The following PLCH1 variants were observed in gnomAD, a reference collection of about 807,000 sequenced individuals.
PLCH1 encodes 1-phosphatidylinositol 4,5-bisphosphate phosphodiesterase eta-1.
PLCH1 carries 60 observed loss-of-function variants against 126.7 expected under a neutral mutation model. The ratio of observed to expected loss-of-function variants is 0.47; its 90% CI spans 0.38 to 0.59. PLCH1 has a LOEUF of 0.59. PLCH1 is among the 20% of genes least tolerant of loss of function. PLCH1 has a pLI of 0.00. For synonymous variants in PLCH1, 719 were observed against 734.9 expected (o/e 0.98, Z 0.35); for missense variants, 1,723 against 2,040.0 (o/e 0.84, Z 2.99).
Position 155,528,141 on chromosome 3 carries a change from T to C in PLCH1, c.1363-4137A>G, listed in dbSNP as rs1722208777. The stretch of plus-strand genomic sequence containing the variant: ...CAGGAGGCTGAGGCAGGAGAATTGC[T>C]TGAACCCAGGAGGCGGAGGTTGCAG... On this transcript the variant is annotated intron_variant, in intron 10 of 22. Coordinates refer to ENST00000460012, the MANE Select transcript of PLCH1 (RefSeq NM_014996.4). Among the ~76,000 whole-genome samples, 3 of 151,610 alleles carry C rather than the reference T, an allele frequency of 2.0e-5. No individual in the cohort carries two copies. The South Asian group carries it at 6.3e-4, about 32-fold the overall frequency.
intron 2 of PLCH1, among the ~76,000 whole-genome samples, chr3:155,648,979 G>A (rs535207318): frequency 9.0e-4 from 137 of 152,190 alleles, no homozygotes; most frequent in Non-Finnish European, 1.7e-3. Context: ...CCATGTTAGC[G>A]ATCTTGGTTT....
intron 10 of PLCH1, among the ~76,000 whole-genome samples, chr3:155,529,630 A>T (rs1722396998): frequency 1.3e-5 from 2 of 152,238 alleles, no homozygotes; most frequent in African/African-American, 4.8e-5. Flanking sequence ...ATAAAAAGCT[A>T]ATGATCATCT....
At chr3:155,698,513 A>G (rs1174441153) in intron 2 of PLCH1, among the ~76,000 whole-genome samples, 3 of 152,206 alleles carry the variant, frequency 2.0e-5, no homozygotes, top group African/African-American at 7.2e-5. Context: ...AGATAAATCA[A>G]TGTGGTCAGT....
At chr3:155,502,246 A>C (rs969677671) in intron 13 of PLCH1, among the ~76,000 whole-genome samples, 9 of 152,188 alleles carry the variant, frequency 5.9e-5, no homozygotes, top group South Asian at 2.1e-4. Flanking sequence ...CTTTAGAAAG[A>C]GTGTGGCAAG....
intron 6 of PLCH1, among the ~76,000 whole-genome samples, chr3:155,577,953 T>C (rs1483100736): frequency 1.3e-5 from 2 of 152,238 alleles, no homozygotes; most frequent in Non-Finnish European, 1.5e-5. Flanking sequence ...AATTTGACAC[T>C]GTGAGATAGG....
intron 2 of PLCH1, among the ~76,000 whole-genome samples, chr3:155,635,052 G>A (rs1351067746): frequency 2.0e-5 from 3 of 151,784 alleles, no homozygotes; most frequent in Non-Finnish European, 4.4e-5. Context: ...ACTGTGGTGA[G>A]GATTCAATGA....
chr3:155,585,494 T>A (rs1447574759), intron 5 of PLCH1, among the ~76,000 whole-genome samples: 3 of 152,186 alleles, frequency 2.0e-5, no homozygotes, highest in Non-Finnish European at 4.4e-5. Context: ...TTAAATGCAG[T>A]CCTAGCTGGA....
chr3:155,514,785 T>C lies in PLCH1; in HGVS notation c.1570A>G (p.Ser524Gly). 1.9e-6 allele frequency: 3 copies of C among 1,613,338 alleles called. No homozygotes were observed. The highest frequency in any genetic ancestry group is 2.5e-6 in the Non-Finnish European group (3 of 1,179,434). Residue 524 changes from serine to glycine, a missense_variant, in exon 12 of 23, where the codon AGT (serine) becomes GGT (glycine). Ser to Gly is a moderately conservative substitution (Grantham distance 56). Transcript: ENST00000460012. ...TTCAGTAGTGCCCGCACTGTGAAAC[T>C]ATCAGGATCTTCTTTATCTCGAATT... ...SQIRDKEDPD[S>G]FTVRALLKAT...
intron 10 of PLCH1, among the ~76,000 whole-genome samples, chr3:155,539,131 T>C (rs932296186): frequency 2.0e-5 from 3 of 152,110 alleles, no homozygotes; most frequent in African/African-American, 7.2e-5. Context: ...ATATACCACA[T>C]AAACAGAATC....
At chr3:155,602,486 G>T (rs916828905) in intron 2 of PLCH1, among the ~76,000 whole-genome samples, 1 of 152,072 alleles carries the variant, frequency 6.6e-6, no homozygotes, top group Admixed American at 6.6e-5. Context: ...TAAGGGTGAG[G>T]ATACATTCTG....
chr3:155,456,083 A>G (rs1437454343), intron 21 of PLCH1, among the ~76,000 whole-genome samples: 8 of 152,220 alleles, frequency 5.3e-5, no homozygotes, highest in Admixed American at 5.2e-4. Flanking sequence ...CACATTTTAT[A>G]TGAAATACCT....
At chr3:155,704,364 C>G in intron 1 of PLCH1, 100 bp from the exon 2 acceptor site, 1 of 397,854 alleles carries the variant, frequency 2.5e-6, no homozygotes, top group Non-Finnish European at 4.4e-6. Context: ...TACGGGGCAA[C>G]ATATACGGCA....
chr3:155,716,386 G>C (rs1316553649), intron 1 of PLCH1, among the ~76,000 whole-genome samples: 3 of 152,196 alleles, frequency 2.0e-5, no homozygotes, highest in African/African-American at 7.2e-5. Context: ...TTGTGTGTTA[G>C]GCCATTCTTG....
In PLCH1 at chr3:155,504,233, T is replaced by C. The variant is rs7623131; in HGVS notation, c.1704+322A>G. Among the ~76,000 whole-genome samples the C allele has an allele frequency of 6.0e-3, 916 of 152,288 alleles. 9 individuals carry two copies. The highest frequency in any genetic ancestry group is 0.02 in the African/African-American group (851 of 41,542). On this transcript the variant is annotated intron_variant, in intron 13 of 22. Coordinates refer to ENST00000460012, the MANE Select transcript of PLCH1 (RefSeq NM_014996.4). ...CTATTTATATATTCAGGATAGAATATATAATACACATACCAGTTTTAATAA... is the reference window on the plus strand; with the variant it reads ...CTATTTATATATTCAGGATAGAATACATAATACACATACCAGTTTTAATAA...
rs561316476 is a variant in PLCH1 at position 155,590,386 on chromosome 3, A to G, written c.470+3555T>C. Among the ~76,000 whole-genome samples, 25 of 152,146 alleles carry G rather than the reference A, an allele frequency of 1.6e-4. No individual in the cohort carries two copies. The East Asian group carries it at 3.3e-3, about 20-fold the overall frequency. ...GAGGTCAGGAGATAGAGACCATCCT[A>G]GCTAACACGGTGAAACCCCGTCTCT... is the stretch of plus-strand genomic sequence containing the variant. On this transcript the variant is annotated intron_variant, in intron 4 of 22. Coordinates refer to ENST00000460012, the MANE Select transcript of PLCH1 (RefSeq NM_014996.4).
At chr3:155,740,947 G>T (rs959205746) in intron 1 of PLCH1, among the ~76,000 whole-genome samples, 2 of 152,146 alleles carry the variant, frequency 1.3e-5, no homozygotes, top group African/African-American at 2.4e-5. Context: ...AGGCACTTAG[G>T]TTAGTGCCAC....
At chr3:155,718,556 A>G (rs1747696733) in intron 1 of PLCH1, among the ~76,000 whole-genome samples, 1 of 152,226 alleles carries the variant, frequency 6.6e-6, no homozygotes, top group African/African-American at 2.4e-5. Context: ...CAGCATCCGC[A>G]TCTAGGGAGG....
At chr3:155,671,474 T>C (rs58819809) in intron 2 of PLCH1, among the ~76,000 whole-genome samples, 7,274 of 152,272 alleles carry the variant, frequency 0.048, 459 homozygotes, top group African/African-American at 0.14. Flanking sequence ...ATCACAGTAA[T>C]GTGAACTTTG....
In PLCH1 at chr3:155,474,350, A is replaced by G. The variant is rs1312302647; in HGVS notation, c.2938+11006T>C. On this transcript the variant is annotated intron_variant, in intron 21 of 21. Coordinates refer to the PLCH1 transcript ENST00000494598. Reference sequence around the variant, plus strand: ...AATGCTCATCATCACTGGCCATCAGAGAAATGCAAATCAAAACCACAATGA... The same window carrying G: ...AATGCTCATCATCACTGGCCATCAGGGAAATGCAAATCAAAACCACAATGA... 3.3e-5 allele frequency among the ~76,000 whole-genome samples: 5 copies of G among 150,386 alleles called. No individual in the cohort carries two copies. In the South Asian group the frequency reaches 9.0e-4, roughly 27 times the overall value.
Sources: allele counts gnomAD v4.1 joint callset (sites outside exome capture counted in the v4.1 genomes callset), GRCh38; gene constraint gnomAD v4.1.1; transcripts MANE v1.5; gene names NCBI Gene and HGNC (gene_info 2026-07-23, HGNC 2026-07-21).